The following FSTL4 variants were observed in gnomAD, a reference collection of about 807,000 sequenced individuals.
The protein encoded by FSTL4 is follistatin like 4.
In FSTL4, 28 loss-of-function variants were observed where a neutral mutation model predicts 78.2. The observed-to-expected ratio is 0.36, with a 90% confidence interval of 0.27 to 0.49. The LOEUF (loss-of-function observed/expected upper bound fraction) is 0.49, where lower values mean the gene tolerates loss of function less well. FSTL4 is among the 20% of genes least tolerant of loss of function. The pLI, the probability that FSTL4 is intolerant of heterozygous loss-of-function variation, is 0.98. For synonymous variants in FSTL4, 422 were observed against 440.5 expected (o/e 0.96, Z 0.53); for missense variants, 922 against 1,084.9 (o/e 0.85, Z 2.11).
At chr5:133,350,229 A>G (rs1373952599) in intron 4 of FSTL4, among the ~76,000 whole-genome samples, 3 of 152,270 alleles carry the variant, frequency 2.0e-5, no homozygotes, top group Admixed American at 2.0e-4. Context: ...ATGTGACTGT[A>G]AAAGACCCAT....
rs142496887 is a variant in FSTL4 at position 133,483,609 on chromosome 5, A to T, written c.161-82623T>A. ...AGAGTTGCCTCATTATTTAGCCTGGAGGCCAAGGCCAGGTCATGATCCAGC... is the reference window on the plus strand; with the variant it reads ...AGAGTTGCCTCATTATTTAGCCTGGTGGCCAAGGCCAGGTCATGATCCAGC... On this transcript the variant is annotated intron_variant, in intron 3 of 15. Transcript: ENST00000265342. Among the ~76,000 whole-genome samples, 39 of 152,316 alleles carry T rather than the reference A, an allele frequency of 2.6e-4. 1 individual carries two copies. In the East Asian group the frequency reaches 7.5e-3, roughly 29 times the overall value.
At position 133,582,352 on chromosome 5, in the gene FSTL4, G is replaced by A. The variant is rs149553401; in HGVS notation, c.127-15133C>T. Among the ~76,000 whole-genome samples the A allele has an allele frequency of 2.0e-3, 310 of 152,316 alleles. 1 individual carries two copies. Among genetic ancestry groups the A allele is most frequent in the Middle Eastern group, 0.01 (3 of 294 alleles). On this transcript the variant is annotated intron_variant, in intron 2 of 15. Transcript: ENST00000265342. ...TCCAGGAGCTTCAGTTTCCTCATCT[G>A]CAAAATGAGGTAGGGTAGTGTCTAT...
chr5:133,635,054 T>C, the FSTL4 span, among the ~76,000 whole-genome samples: 1 of 149,732 alleles, frequency 6.7e-6, no homozygotes, highest in Non-Finnish European at 1.5e-5. Context: ...ATTTTATTGA[T>C]CTCTTGCCTA....
rs1581550119 is a variant in FSTL4 at position 133,231,071 on chromosome 5, C to T, written c.1015+2346G>A. On this transcript the variant is annotated intron_variant, in intron 8 of 15. Coordinates refer to ENST00000265342, the MANE Select transcript of FSTL4 (RefSeq NM_015082.2). ...TCACACCCACCTCCTACCTAGACAC[C>T]ACCCCAGCTCGGACATAGCTCCCAC... Among the ~76,000 whole-genome samples, 5 of 152,164 alleles carry T rather than the reference C, an allele frequency of 3.3e-5. No individual in the cohort carries two copies. The East Asian group carries it at 5.8e-4, about 18-fold the overall frequency.
At chr5:133,792,802 G>A in the FSTL4 span, among the ~76,000 whole-genome samples, 2 of 152,278 alleles carry the variant, frequency 1.3e-5, no homozygotes, top group African/African-American at 2.4e-5. Flanking sequence ...GCCCAAAGCA[G>A]CAATCCAAGT....
chr5:133,488,434 G>A (rs2562368), intron 3 of FSTL4, among the ~76,000 whole-genome samples: 1 of 151,840 alleles, frequency 6.6e-6, no homozygotes, highest in Non-Finnish European at 1.5e-5. Flanking sequence ...TTTATATTTT[G>A]GTAGAGATGT....
the FSTL4 span, among the ~76,000 whole-genome samples, chr5:133,707,400 C>T: frequency 1.3e-5 from 2 of 152,206 alleles, no homozygotes; most frequent in Non-Finnish European, 2.9e-5. Context: ...CAATCAATCA[C>T]TCCATTTCAT....
chr5:133,690,029 C>T, the FSTL4 span, among the ~76,000 whole-genome samples: 1 of 152,086 alleles, frequency 6.6e-6, no homozygotes, highest in Non-Finnish European at 1.5e-5. Flanking sequence ...CCATTGTACT[C>T]CAGCCTGGGC....
At chr5:133,314,543 T>C (rs186883978) in intron 5 of FSTL4, among the ~76,000 whole-genome samples, 102 of 151,776 alleles carry the variant, frequency 6.7e-4, no homozygotes, top group Admixed American at 1.5e-3. Context: ...AGGTACTTGT[T>C]GTCCCTACAG....
intron 2 of FSTL4, among the ~76,000 whole-genome samples, chr5:133,572,398 A>G (rs1047093532): frequency 2.6e-5 from 4 of 152,192 alleles, no homozygotes; most frequent in Non-Finnish European, 5.9e-5. Context: ...CCATCTTTAA[A>G]ATTTGAAAAA....
chr5:133,339,992 CTT>C (rs1754547961), intron 4 of FSTL4, among the ~76,000 whole-genome samples: 1 of 152,200 alleles, frequency 6.6e-6, no homozygotes, highest in Non-Finnish European at 1.5e-5. Context: ...CCAGTTCTCT[CTT>C]TTGCTCTTAT....
intron 4 of FSTL4, among the ~76,000 whole-genome samples, chr5:133,330,947 A>G (rs1301212197): frequency 6.6e-6 from 1 of 152,170 alleles, no homozygotes; most frequent in Non-Finnish European, 1.5e-5. Flanking sequence ...TATGCTGTGG[A>G]CACACGTGCA....
intron 11 of FSTL4, among the ~76,000 whole-genome samples, chr5:133,221,912 T>TTTTGTTTG (rs1561626822): frequency 8.8e-6 from 1 of 113,968 alleles, no homozygotes; most frequent in African/African-American, 4.6e-5. Context: ...TTTTTTTTTT[T>TTTTGTTTG]TTTTTTTTTT....
chr5:133,678,344 C>T, the FSTL4 span, among the ~76,000 whole-genome samples: 2 of 152,198 alleles, frequency 1.3e-5, no homozygotes, highest in Non-Finnish European at 2.9e-5. Context: ...ACAGCTCAGA[C>T]TTGGGGAGTG....
intron 2 of FSTL4, among the ~76,000 whole-genome samples, chr5:133,580,249 T>G (rs754528667): frequency 6.6e-6 from 1 of 152,126 alleles, no homozygotes; most frequent in Non-Finnish European, 1.5e-5. Flanking sequence ...TGTGGATGCC[T>G]TCCCATCAGG....
At chr5:133,839,636 T>C in the FSTL4 span, among the ~76,000 whole-genome samples, 2 of 152,198 alleles carry the variant, frequency 1.3e-5, no homozygotes, top group Admixed American at 1.3e-4. Flanking sequence ...GATCCCACCA[T>C]TGCTCTTGCG....
At chr5:133,811,382 C>A in the FSTL4 span, among the ~76,000 whole-genome samples, 10 of 152,140 alleles carry the variant, frequency 6.6e-5, no homozygotes, top group Non-Finnish European at 1.2e-4. Context: ...TTCCATGCAG[C>A]CTTCCTAGAT....
the FSTL4 span, among the ~76,000 whole-genome samples, chr5:133,657,968 T>C: frequency 3.7e-4 from 57 of 152,218 alleles, no homozygotes; most frequent in Middle Eastern, 6.8e-3. Flanking sequence ...TTTATTCTGG[T>C]TTCCTCTGAG....
At chr5:133,783,937 T>C in the FSTL4 span, among the ~76,000 whole-genome samples, 2 of 124,794 alleles carry the variant, frequency 1.6e-5, no homozygotes, top group African/African-American at 6.3e-5. Context: ...GGAGTTAGAA[T>C]TCCTACCACA....
Sources: allele counts gnomAD v4.1 joint callset (sites outside exome capture counted in the v4.1 genomes callset), GRCh38; gene constraint gnomAD v4.1.1; transcripts MANE v1.5; gene names NCBI Gene and HGNC (gene_info 2026-07-23, HGNC 2026-07-21).